Variants in IL17RB observed in about 807,000 individuals in gnomAD.
The protein encoded by IL17RB is interleukin-17 receptor B.
A neutral mutation model predicts 43.9 loss-of-function variants in IL17RB; 36 were observed. That is an observed-to-expected ratio of 0.82 (90% CI 0.63 to 1.08). IL17RB has a LOEUF of 1.08. Ranked by LOEUF, IL17RB falls within the 50% of genes least tolerant of loss-of-function variation. The pLI, the probability that IL17RB is intolerant of heterozygous loss-of-function variation, is 0.00. For missense variants in IL17RB, 613 were observed against 613.6 expected (o/e 1.00, Z 0.01); for synonymous variants, 225 against 225.4 (o/e 1.00, Z 0.02).
intron 9 of IL17RB, chr3:53,859,455 TG>T (rs1423602467): frequency 2.6e-5 from 4 of 152,418 alleles, no homozygotes; most frequent in African/African-American, 9.6e-5. Flanking sequence ...AGCCCTGACT[TG>T]TGCGTGGGCG....
intron 5 of IL17RB, among the ~76,000 whole-genome samples, chr3:53,854,296 A>G (rs1366912602): frequency 1.3e-5 from 2 of 152,226 alleles, no homozygotes; most frequent in Non-Finnish European, 2.9e-5. Context: ...TTGTATTACC[A>G]TGATACATTT....
chr3:53,847,661 G>A (rs1698972977), intron 1 of IL17RB, among the ~76,000 whole-genome samples: 1 of 152,064 alleles, frequency 6.6e-6, no homozygotes, highest in African/African-American at 2.4e-5. Context: ...GGGCATGGTG[G>A]CAGGCGCCTG....
intron 7 of IL17RB, among the ~76,000 whole-genome samples, chr3:53,857,378 C>T (rs752247218): frequency 1.3e-5 from 2 of 152,146 alleles, no homozygotes; most frequent in African/African-American, 4.8e-5. Flanking sequence ...CTCCACCTCC[C>T]GGGCTCAAGT....
intron 3 of IL17RB, among the ~76,000 whole-genome samples, chr3:53,851,103 T>A (rs897479916): frequency 3.9e-5 from 6 of 152,208 alleles, no homozygotes; most frequent in Non-Finnish European, 5.9e-5. Flanking sequence ...GCTTTTGGCA[T>A]TTCCCCAAGA....
At chr3:53,861,480 C>T (rs1699562944) in intron 10 of IL17RB, 1 of 152,170 alleles carries the variant, frequency 6.6e-6, no homozygotes, top group Admixed American at 6.5e-5. Flanking sequence ...AAACCTTGCA[C>T]ATTTTGCAGA....
chr3:53,864,686 A>T, intron 10 of IL17RB, 60 bp from the exon 11 acceptor site: 2 of 1,267,234 alleles, frequency 1.6e-6, no homozygotes, highest in Non-Finnish European at 2.2e-6. Flanking sequence ...GGGATGGTTT[A>T]CAGAGTGAAA....
chr3:53,847,024 C>A (rs779257861), intron 1 of IL17RB, among the ~76,000 whole-genome samples: 10 of 152,212 alleles, frequency 6.6e-5, no homozygotes, highest in Non-Finnish European at 1.3e-4. Context: ...GGGGTCTGCT[C>A]ACCTGTTGGG....
rs778149632 is a variant in IL17RB, at chr3:53,860,115, CTT to C, written c.848-13_848-12del. The C allele has an allele frequency of 6.2e-7, 1 of 1,600,736 alleles. No individual in the cohort carries two copies. The highest frequency in any genetic ancestry group is 1.1e-5 in the South Asian group (1 of 90,694). On this transcript the variant is annotated splice_polypyrimidine_tract_variant and intron_variant, in intron 9 of 10. Transcript: ENST00000288167. ...GATTTGTTTTCCAAAGGTGAATAAG[CTT>C]TGTTTTTTCCAGACAAAAGCAAGCC...
intron 6 of IL17RB, 143 bp downstream of exon 6, chr3:53,855,484 A>C: frequency 1.7e-6 from 1 of 587,004 alleles, no homozygotes. Flanking sequence ...TGGCAGAAGC[A>C]CCTATGGCTC....
chr3:53,857,500 G>C (rs1470826253), intron 7 of IL17RB, 116 bp from the exon 8 acceptor site: 1 of 849,556 alleles, frequency 1.2e-6, no homozygotes, highest in African/African-American at 1.7e-5. Flanking sequence ...GCCCAGGCTG[G>C]TCTCAAAATA....
intron 6 of IL17RB, among the ~76,000 whole-genome samples, chr3:53,855,771 G>A (rs890671544): frequency 6.6e-6 from 1 of 152,128 alleles, no homozygotes; most frequent in Non-Finnish European, 1.5e-5. Context: ...GCAAACATTC[G>A]AGGTGGGAGT....
At chr3:53,850,096 CAA>C (rs1699080317) in intron 3 of IL17RB, among the ~76,000 whole-genome samples, 1 of 152,308 alleles carries the variant, frequency 6.6e-6, no homozygotes, top group Admixed American at 6.5e-5. Flanking sequence ...AAGGCAGATT[CAA>C]AAGAGTTTGT....
intron 10 of IL17RB, among the ~76,000 whole-genome samples, chr3:53,864,019 C>T (rs1171612126): frequency 2.0e-5 from 3 of 151,938 alleles, no homozygotes; most frequent in African/African-American, 4.8e-5. Context: ...GATGGGGTTT[C>T]GCCATGTTGC....
rs538419481 is a variant in IL17RB at position 53,855,435 on chromosome 3, C to G, written c.529+94C>G. On this transcript the variant is annotated intron_variant, in intron 6 of 10. Transcript: ENST00000288167. ...CATCTTTGCACAGAAGAACTGAGCC[C>G]TAGGGGAGAGTTGAATATCCAAGCA... is the stretch of plus-strand genomic sequence containing the variant. The G allele has an allele frequency of 2.8e-5, 24 of 869,558 alleles. No homozygotes were observed. In the East Asian group the frequency reaches 5.8e-4, roughly 21 times the overall value. 53.9% of individuals were successfully genotyped at this position (869,558 alleles called of 1,614,324 possible).
In IL17RB at chr3:53,865,530, A is replaced by C; in HGVS notation, c.*222A>C. 2.0e-6 allele frequency: 1 copy of C among 506,504 alleles called. No individual in the cohort carries two copies. Among genetic ancestry groups the C allele is most frequent in the East Asian group, 3.1e-5 (1 of 32,100 alleles). 31.4% of individuals were successfully genotyped at this position (506,504 alleles called of 1,614,324 possible). ...CAAAGCTGTTTTATACATAGAAATC[A>C]ATTACAGTTTTAATTGAAAACTATA... On this transcript the variant is annotated 3_prime_UTR_variant, in exon 11 of 11. Transcript: ENST00000288167.
At chr3:53,857,833 C>A (rs1370742269) in intron 8 of IL17RB, 143 bp downstream of exon 8, 14 of 732,506 alleles carry the variant, frequency 1.9e-5, no homozygotes, top group Middle Eastern at 3.5e-4. Context: ...GGGGCTCTTT[C>A]GCTGCAGCCT....
Position 53,864,831 on chromosome 3 carries a change from C to A in IL17RB, c.1032C>A (p.Phe344Leu). The A allele has an allele frequency of 6.2e-7, 1 of 1,614,078 alleles. No individual in the cohort carries two copies. ...TGGTTTACCCATCTGAAATATGTTT[C>A]CATCACACAATTTGTTACTTCACTG... ...VLVVYPSEIC[F>L]HHTICYFTEF... The change falls in exon 11 of 11, where the codon TTC becomes TTA. Residue 344 changes from phenylalanine to leucine, a missense_variant. By Grantham distance (22) the Phe-to-Leu change is conservative (BLOSUM62 0). Coordinates refer to ENST00000288167, the MANE Select transcript of IL17RB (RefSeq NM_018725.4).
In IL17RB at chr3:53,862,122, C is replaced by A. The variant is rs186470690; in HGVS notation, c.946+1894C>A. On this transcript the variant is annotated intron_variant, in intron 10 of 10. Coordinates refer to ENST00000288167, the MANE Select transcript of IL17RB (RefSeq NM_018725.4). ...GCTTTGTCCCTGAAGTCAGAAGTAC[C>A]TTCCCAGGAAGCGACTGCCTTTTAA... Among the ~76,000 whole-genome samples the A allele has an allele frequency of 2.0e-5, 3 of 152,318 alleles. No individual in the cohort carries two copies. The East Asian group carries it at 5.8e-4, about 29-fold the overall frequency.
chr3:53,860,741 G>T (rs1002554854), intron 10 of IL17RB: 1 of 151,806 alleles, frequency 6.6e-6, no homozygotes, highest in Admixed American at 6.6e-5. Flanking sequence ...GATGAAACTC[G>T]GATGAACTTT....
Sources: allele counts gnomAD v4.1 joint callset (sites outside exome capture counted in the v4.1 genomes callset), GRCh38; gene constraint gnomAD v4.1.1; transcripts MANE v1.5; gene names NCBI Gene and HGNC (gene_info 2026-07-23, HGNC 2026-07-21).